The following DSCAM variants were observed in gnomAD, a reference collection of about 807,000 sequenced individuals.
DSCAM encodes the protein DS cell adhesion molecule, also known as cell adhesion molecule DSCAM.
Under a neutral mutation model 217.7 loss-of-function variants are expected in DSCAM, and 47 were observed. The ratio of observed to expected loss-of-function variants is 0.22; its 90% confidence interval spans 0.17 to 0.28. DSCAM has a LOEUF of 0.28. Ranked by LOEUF, DSCAM falls within the 10% of genes least tolerant of loss-of-function variation. The pLI, the probability that DSCAM is intolerant of heterozygous loss-of-function variation, is 1.00. For missense variants in DSCAM, 2,080 were observed against 2,618.3 expected, an observed-to-expected ratio of 0.79 and a Z score of 4.49; for synonymous variants, 1,056 against 1,015.3, an observed-to-expected ratio of 1.04 and a Z score of -0.76.
chr21:40,594,470 C>T (rs2077006643), intron 3 of DSCAM, among the ~76,000 whole-genome samples: 1 of 152,160 alleles, frequency 6.6e-6, no homozygotes, highest in South Asian at 2.1e-4. Flanking sequence ...GAATCTCACT[C>T]TTATCATCTG....
intron 11 of DSCAM, among the ~76,000 whole-genome samples, chr21:40,200,228 C>T (rs2146854460): frequency 6.6e-6 from 1 of 152,262 alleles, no homozygotes; most frequent in South Asian, 2.1e-4. Flanking sequence ...GTACAGCCTT[C>T]ACTACAATTC....
chr21:40,587,625 A>G lies in DSCAM; in HGVS notation c.508+105185T>C, dbSNP rs465127. The stretch of plus-strand genomic sequence containing the variant: ...GTCATTGAAATTTTATGAAAAGTAT[A>G]ATCATTTAAATAGTAAGAGTAATTT... On this transcript the variant is annotated intron_variant, in intron 3 of 32. Transcript: ENST00000400454. Among the ~76,000 whole-genome samples, 4 of 152,130 alleles carry G rather than the reference A, an allele frequency of 2.6e-5. No individual in the cohort carries two copies. The South Asian group carries it at 6.2e-4, about 24-fold the overall frequency.
chr21:40,021,147 GA>G (rs1212928890), intron 32 of DSCAM, among the ~76,000 whole-genome samples: 1 of 145,544 alleles, frequency 6.9e-6, no homozygotes, highest in Non-Finnish European at 1.5e-5. Flanking sequence ...CACACACAGG[GA>G]GGCAGAAAGA....
At chr21:40,749,375 TC>T (rs1471565485) in intron 1 of DSCAM, among the ~76,000 whole-genome samples, 1 of 151,872 alleles carries the variant, frequency 6.6e-6, no homozygotes, top group Non-Finnish European at 1.5e-5. Context: ...CAACTCAATA[TC>T]AAAAAAGCAA....
intron 3 of DSCAM, among the ~76,000 whole-genome samples, chr21:40,685,393 C>T (rs935852172): frequency 1.3e-5 from 2 of 152,152 alleles, no homozygotes; most frequent in South Asian, 4.1e-4. Context: ...TCATGATGAG[C>T]ACCTGCCTTC....
At chr21:40,050,457 A>G (rs1466703145) in intron 30 of DSCAM, among the ~76,000 whole-genome samples, 2 of 151,878 alleles carry the variant, frequency 1.3e-5, no homozygotes, top group African/African-American at 4.8e-5. Context: ...GGAGAAGCCA[A>G]CGGCTGAAGA....
intron 11 of DSCAM, among the ~76,000 whole-genome samples, chr21:40,194,189 A>G (rs1238918521): frequency 1.3e-5 from 2 of 152,048 alleles, no homozygotes; most frequent in Admixed American, 6.5e-5. Flanking sequence ...CCCTACTAAA[A>G]TGGGTATTTT....
chr21:40,494,821 T>TG (rs1243780286), intron 3 of DSCAM, among the ~76,000 whole-genome samples: 1 of 142,954 alleles, frequency 7.0e-6, no homozygotes, highest in Non-Finnish European at 1.6e-5. Flanking sequence ...AAACTAAAGT[T>TG]GGGTTTTTTT....
At chr21:40,393,190 T>G (rs892549759) in intron 3 of DSCAM, among the ~76,000 whole-genome samples, 6 of 152,152 alleles carry the variant, frequency 3.9e-5, no homozygotes, top group African/African-American at 1.4e-4. Flanking sequence ...AGAAAGGTAA[T>G]GATTTCTCAG....
chr21:40,785,631 G>A (rs773446198), intron 1 of DSCAM, among the ~76,000 whole-genome samples: 18 of 152,178 alleles, frequency 1.2e-4, no homozygotes, highest in Non-Finnish European at 2.1e-4. Context: ...CTGGGATGTG[G>A]CATGTAATGG....
chr21:40,503,283 C>T (rs1416918733), intron 3 of DSCAM, among the ~76,000 whole-genome samples: 1 of 152,122 alleles, frequency 6.6e-6, no homozygotes, highest in Non-Finnish European at 1.5e-5. Flanking sequence ...CGAGCATTGC[C>T]CTGTATTCAC....
rs1180415770 is a variant in DSCAM, at chr21:40,518,535, TA to T, written c.509-149291del. ...ATATATATAATATATATTTTATATATATATATGTACACACACATATACACAC... is the reference window on the plus strand; with the variant it reads ...ATATATATAATATATATTTTATATATTATATGTACACACACATATACACAC... On this transcript the variant is annotated intron_variant, in intron 3 of 32. Transcript: ENST00000400454. 5.6e-5 allele frequency among the ~76,000 whole-genome samples: 4 copies of T among 71,586 alleles called. 1 individual carries two copies. Among genetic ancestry groups the T allele is most frequent in the African/African-American group, 2.6e-4 (4 of 15,438 alleles). 47.0% of individuals were successfully genotyped at this position (71,586 alleles called of 152,430 possible). A position where few individuals can be genotyped will look rare whatever the true frequency, so the allele number is the denominator to read the frequency against.
At chr21:40,577,132 G>A (rs1232534772) in intron 3 of DSCAM, among the ~76,000 whole-genome samples, 1 of 149,894 alleles carries the variant, frequency 6.7e-6, no homozygotes, top group Admixed American at 6.7e-5. Context: ...CAAAATATAT[G>A]TAATGATATA....
intron 4 of DSCAM, among the ~76,000 whole-genome samples, chr21:40,356,674 T>C (rs1399235448): frequency 6.6e-6 from 1 of 152,170 alleles, no homozygotes. Flanking sequence ...ATATTGAGAA[T>C]GGAACTGCAC....
At chr21:40,773,107 C>T (rs2091460506) in intron 1 of DSCAM, among the ~76,000 whole-genome samples, 5 of 152,360 alleles carry the variant, frequency 3.3e-5, no homozygotes, top group African/African-American at 1.2e-4. Context: ...ACATCCCTGA[C>T]TTACGCAGCT....
intron 3 of DSCAM, among the ~76,000 whole-genome samples, chr21:40,581,815 T>C (rs929967011): frequency 6.6e-6 from 1 of 152,192 alleles, no homozygotes; most frequent in African/African-American, 2.4e-5. Flanking sequence ...TTTAAAGCTA[T>C]ACAGTAACAT....
At chr21:40,481,419 G>A (rs981438814) in intron 3 of DSCAM, among the ~76,000 whole-genome samples, 1 of 151,094 alleles carries the variant, frequency 6.6e-6, no homozygotes, top group Non-Finnish European at 1.5e-5. Flanking sequence ...GAACCCGGGA[G>A]GCAAAGCTTG....
chr21:40,664,983 C>T (rs8126774), intron 3 of DSCAM, among the ~76,000 whole-genome samples: 58,057 of 151,952 alleles, frequency 0.38, 11,678 homozygotes, highest in Non-Finnish European at 0.45. Context: ...CTCTTCTCTC[C>T]CTCTTGTTCC....
At chr21:40,794,091 GATT>G (rs1277145822) in intron 1 of DSCAM, among the ~76,000 whole-genome samples, 1 of 152,082 alleles carries the variant, frequency 6.6e-6, no homozygotes, top group African/African-American at 2.4e-5. Flanking sequence ...TTTTTCTAGA[GATT>G]ATTAATTTCT....
Sources: gnomAD v4.1 joint callset for allele counts (sites outside exome capture counted in the v4.1 genomes callset) on GRCh38, gnomAD v4.1.1 for gene constraint, MANE v1.5 for transcripts, NCBI Gene and HGNC (gene_info 2026-07-23, HGNC 2026-07-21) for gene names.